Variants in ANO2 observed in about 807,000 individuals in gnomAD.
ANO2 encodes anoctamin-2.
In ANO2, 101 loss-of-function variants were observed where a neutral mutation model predicts 124.2. That is an observed-to-expected ratio of 0.81 (90% CI 0.69 to 0.96). The LOEUF is 0.96. ANO2 is among the 40% of genes least tolerant of loss of function. The pLI is 0.00. For synonymous variants in ANO2, 486 were observed against 482.5 expected, an observed-to-expected ratio of 1.01 and a Z score of -0.09; for missense variants, 1,293 against 1,274.5, an observed-to-expected ratio of 1.01 and a Z score of -0.22.
intron 14 of ANO2, among the ~76,000 whole-genome samples, chr12:5,723,074 C>T (rs1950297796): frequency 6.6e-6 from 1 of 152,234 alleles, no homozygotes; most frequent in South Asian, 2.1e-4. Context: ...TTCTGGCTCA[C>T]TCACTGAAAT....
intron 14 of ANO2, among the ~76,000 whole-genome samples, chr12:5,722,961 C>T (rs1212531838): frequency 5.9e-5 from 9 of 152,148 alleles, no homozygotes; most frequent in African/African-American, 9.7e-5. Flanking sequence ...ACAACAACAA[C>T]GACAACAACA....
At chr12:5,823,816 A>G (rs1953878040) in intron 7 of ANO2, among the ~76,000 whole-genome samples, 2 of 152,322 alleles carry the variant, frequency 1.3e-5, no homozygotes, top group South Asian at 4.2e-4. Context: ...CCTGCAGCAA[A>G]CTTTCGCCTG....
intron 14 of ANO2, among the ~76,000 whole-genome samples, chr12:5,694,251 C>CAGACAGAGAGAGAGAGAG (rs1555137018): frequency 1.4e-3 from 187 of 133,950 alleles, no homozygotes; most frequent in African/African-American, 5.0e-3. Flanking sequence ...TTACCAGAGA[C>CAGACAGAGAGAGAGAGAG]AGAGAGAGAG....
chr12:5,633,229 T>G (rs144851926), intron 16 of ANO2, among the ~76,000 whole-genome samples: 84 of 152,326 alleles, frequency 5.5e-4, no homozygotes, highest in African/African-American at 2.0e-3. Context: ...CTGCCCTTCC[T>G]TGGAGGGGAG....
chr12:5,819,484 G>C (rs1591654016), intron 7 of ANO2, among the ~76,000 whole-genome samples: 1 of 152,148 alleles, frequency 6.6e-6, no homozygotes, highest in African/African-American at 2.4e-5. Flanking sequence ...GGAGTTAAAA[G>C]GGGTTCTAAT....
chr12:5,599,207 G>T (rs989396244), intron 20 of ANO2, among the ~76,000 whole-genome samples: 1 of 152,202 alleles, frequency 6.6e-6, no homozygotes, highest in Non-Finnish European at 1.5e-5. Context: ...TTAGTTTATA[G>T]ATGAGGAGAG....
intron 14 of ANO2, among the ~76,000 whole-genome samples, chr12:5,676,234 C>T (rs1428540097): frequency 6.6e-6 from 1 of 152,164 alleles, no homozygotes; most frequent in Admixed American, 6.6e-5. Flanking sequence ...AGGCGTCAAG[C>T]CACAGAAACA....
At chr12:5,733,419 C>T (rs967934996) in intron 13 of ANO2, among the ~76,000 whole-genome samples, 2 of 152,334 alleles carry the variant, frequency 1.3e-5, no homozygotes, top group East Asian at 3.9e-4. Flanking sequence ...GTACACCTGG[C>T]CTCATTGGCA....
intron 7 of ANO2, among the ~76,000 whole-genome samples, chr12:5,826,418 G>C (rs1953954982): frequency 6.8e-6 from 1 of 147,582 alleles, no homozygotes; most frequent in African/African-American, 2.6e-5. Flanking sequence ...TGAGTCGGTG[G>C]GCTAATGCTT....
chr12:5,695,063 T>C (rs1295142466), intron 14 of ANO2, among the ~76,000 whole-genome samples: 1 of 152,196 alleles, frequency 6.6e-6, no homozygotes, highest in East Asian at 1.9e-4. Flanking sequence ...AGCCGCTAGT[T>C]TGCTGCTGGC....
At chr12:5,778,366 T>C (rs1162968326) in intron 10 of ANO2, among the ~76,000 whole-genome samples, 4 of 152,246 alleles carry the variant, frequency 2.6e-5, no homozygotes. Context: ...TTATTCACTG[T>C]AATTTGGCTC....
chr12:5,610,180 T>C, intron 19 of ANO2, among the ~76,000 whole-genome samples: 1 of 73,132 alleles, frequency 1.4e-5, no homozygotes, highest in South Asian at 3.1e-4. Context: ...CTTATATAAA[T>C]ACTTATATAA....
At chr12:5,640,161 C>T (rs1010834300) in intron 15 of ANO2, among the ~76,000 whole-genome samples, 1 of 152,170 alleles carries the variant, frequency 6.6e-6, no homozygotes, top group Non-Finnish European at 1.5e-5. Context: ...TCTTTGCTCT[C>T]ATCACCCCAT....
At chr12:5,718,996 T>G (rs1950121895) in intron 14 of ANO2, among the ~76,000 whole-genome samples, 1 of 152,216 alleles carries the variant, frequency 6.6e-6, no homozygotes, top group African/African-American at 2.4e-5. Flanking sequence ...CCATCCTTAT[T>G]TAGCTTGTCA....
chr12:5,650,413 A>G (rs906176523), intron 14 of ANO2, among the ~76,000 whole-genome samples: 2 of 152,104 alleles, frequency 1.3e-5, no homozygotes, highest in Admixed American at 1.3e-4. Context: ...TACATTGGTG[A>G]TCTCTTTTTT....
chr12:5,823,148 T>C (rs994360004), intron 7 of ANO2, among the ~76,000 whole-genome samples: 9 of 152,178 alleles, frequency 5.9e-5, no homozygotes, highest in Admixed American at 2.0e-4. Flanking sequence ...CCAAATCTCA[T>C]GTCCTCACAT....
At chr12:5,662,736 C>G (rs946221068) in intron 14 of ANO2, among the ~76,000 whole-genome samples, 1 of 152,156 alleles carries the variant, frequency 6.6e-6, no homozygotes, top group South Asian at 2.1e-4. Flanking sequence ...CACTGAACTC[C>G]CCTAGCACGC....
intron 14 of ANO2, among the ~76,000 whole-genome samples, chr12:5,676,565 C>T (rs923760767): frequency 1.3e-5 from 2 of 152,070 alleles, no homozygotes; most frequent in African/African-American, 4.8e-5. Flanking sequence ...AATAATTGTT[C>T]TTTGCTTTTT....
intron 10 of ANO2, among the ~76,000 whole-genome samples, chr12:5,765,869 AATAG>A (rs1317194178): frequency 2.0e-5 from 3 of 152,242 alleles, no homozygotes; most frequent in African/African-American, 4.8e-5. Context: ...GTTGCTAAGA[AATAG>A]ATAATCCAGT....
Sources: allele counts gnomAD v4.1 joint callset (sites outside exome capture counted in the v4.1 genomes callset), GRCh38; gene constraint gnomAD v4.1.1; transcripts MANE v1.5; gene names NCBI Gene and HGNC (gene_info 2026-07-23, HGNC 2026-07-21).